Variants in TNIK observed in about 807,000 individuals in gnomAD.
TNIK encodes TRAF2 and NCK-interacting protein kinase.
Under a neutral mutation model 191.3 loss-of-function variants are expected in TNIK, and 49 were observed. The observed-to-expected ratio is 0.26, with a 90% confidence interval of 0.20 to 0.32. The LOEUF (loss-of-function observed/expected upper bound fraction) is 0.32, where lower values mean the gene tolerates loss of function less well. Among genes scored for constraint, TNIK ranks in the 10% least tolerant of loss-of-function variants. The probability of loss-of-function intolerance (pLI) is 1.00; values close to 1 mark genes in which losing one functional copy is unlikely to be tolerated. For synonymous variants in TNIK, 594 were observed against 600.9 expected (o/e 0.99, Z 0.17); for missense variants, 1,155 against 1,702.3 (o/e 0.68, Z 5.66).
chr3:171,346,316 G>A (rs1352435398), intron 2 of TNIK, among the ~76,000 whole-genome samples: 1 of 152,192 alleles, frequency 6.6e-6, no homozygotes, highest in East Asian at 1.9e-4. Context: ...CACTGAAGCT[G>A]TATTATGTAA....
chr3:171,096,559 C>T (rs150199728), intron 22 of TNIK, among the ~76,000 whole-genome samples: 248 of 152,254 alleles, frequency 1.6e-3, no homozygotes, highest in Admixed American at 5.2e-3. Context: ...GTACATTATG[C>T]TAGAAAATCC....
In TNIK at chr3:171,259,094, A is replaced by G. The variant is rs923544803; in HGVS notation, c.124-30873T>C. ...CACAAAGTCAAGGACAGTGTGTTTT[A>G]TATAAGAGAGAGAGAGAGCATGCAC... On this transcript the variant is annotated intron_variant, in intron 2 of 32. Transcript: ENST00000436636. 2.0e-5 allele frequency among the ~76,000 whole-genome samples: 3 copies of G among 152,086 alleles called. No individual in the cohort carries two copies. In the East Asian group the frequency reaches 5.8e-4, roughly 29 times the overall value.
intron 1 of TNIK, among the ~76,000 whole-genome samples, chr3:171,425,964 A>C (rs1302101057): frequency 1.3e-5 from 2 of 152,200 alleles, no homozygotes; most frequent in Admixed American, 6.5e-5. Flanking sequence ...GTGGGACTGT[A>C]AACTAGTTCA....
intron 21 of TNIK, 101 bp from the exon 22 acceptor site, chr3:171,101,734 A>G (rs1470934036): frequency 2.5e-6 from 3 of 1,179,372 alleles, no homozygotes; most frequent in Non-Finnish European, 3.5e-6. Flanking sequence ...GAAAAAAAAA[A>G]GCTCTATATA....
intron 18 of TNIK, among the ~76,000 whole-genome samples, chr3:171,118,627 T>C (rs1329500396): frequency 6.6e-6 from 1 of 152,118 alleles, no homozygotes; most frequent in Non-Finnish European, 1.5e-5. Flanking sequence ...CCCTCAGAAA[T>C]GATGCCACAT....
intron 3 of TNIK, among the ~76,000 whole-genome samples, chr3:171,213,443 G>A (rs1245510181): frequency 6.6e-6 from 1 of 152,046 alleles, no homozygotes; most frequent in Admixed American, 6.6e-5. Context: ...CATTCTTAGT[G>A]AGAAATCAGG....
chr3:171,358,095 G>A (rs1340500452), intron 2 of TNIK, among the ~76,000 whole-genome samples: 1 of 152,122 alleles, frequency 6.6e-6, no homozygotes, highest in Non-Finnish European at 1.5e-5. Flanking sequence ...GTCAAATACT[G>A]GAGTTTCCTG....
chr3:171,229,885 G>T (rs1012381487), intron 2 of TNIK, among the ~76,000 whole-genome samples: 8 of 152,104 alleles, frequency 5.3e-5, no homozygotes, highest in Non-Finnish European at 1.2e-4. Context: ...TCGAGGGAGA[G>T]GATGGCGTGT....
intron 2 of TNIK, among the ~76,000 whole-genome samples, chr3:171,307,944 T>C (rs184958042): frequency 6.6e-6 from 1 of 152,274 alleles, no homozygotes; most frequent in East Asian, 1.9e-4. Flanking sequence ...TATATATTCT[T>C]GTACTTGAAA....
rs184658955 is a variant in TNIK at position 171,181,402 on chromosome 3, G to T, written c.640-4022C>A. Among the ~76,000 whole-genome samples, 50 of 152,314 alleles carry T rather than the reference G, an allele frequency of 3.3e-4. No homozygotes were observed. In the East Asian group the frequency reaches 9.5e-3, roughly 29 times the overall value. On this transcript the variant is annotated intron_variant, in intron 7 of 32. Coordinates refer to ENST00000436636, the MANE Select transcript of TNIK (RefSeq NM_015028.4). ...GTCTTCTATGATTTCCCTTCATTTA[G>T]TTGTGGCAGAAATTGTTTATTGGCT...
At chr3:171,459,768 G>A (rs1176018493) in intron 1 of TNIK, among the ~76,000 whole-genome samples, 2 of 151,406 alleles carry the variant, frequency 1.3e-5, no homozygotes, top group African/African-American at 2.4e-5. Context: ...TAAGCTCTAC[G>A]AGCCCTCGGG....
At chr3:171,084,462 T>C in intron 25 of TNIK, 137 bp from the exon 26 acceptor site, 1 of 1,026,356 alleles carries the variant, frequency 9.7e-7, no homozygotes, top group Non-Finnish European at 1.4e-6. Context: ...CTCTCCTTAT[T>C]TTACACTTTT....
intron 2 of TNIK, among the ~76,000 whole-genome samples, chr3:171,315,892 A>C (rs55897160): frequency 0.048 from 7,310 of 152,152 alleles, 579 homozygotes; most frequent in African/African-American, 0.17. Flanking sequence ...CCTATTTCCA[A>C]ATAAAGTCAT....
chr3:171,212,573 T>C (rs903946858), intron 3 of TNIK, among the ~76,000 whole-genome samples: 3 of 152,168 alleles, frequency 2.0e-5, no homozygotes, highest in African/African-American at 7.2e-5. Context: ...CCGTGAATCA[T>C]CATGTATCTT....
At chr3:171,353,458 G>A (rs546370789) in intron 2 of TNIK, among the ~76,000 whole-genome samples, 1 of 152,218 alleles carries the variant, frequency 6.6e-6, no homozygotes, top group East Asian at 1.9e-4. Context: ...CCTATAATGG[G>A]CATAGTTACT....
At chr3:171,351,474 T>G (rs1257708939) in intron 2 of TNIK, among the ~76,000 whole-genome samples, 2 of 152,214 alleles carry the variant, frequency 1.3e-5, no homozygotes, top group Non-Finnish European at 1.5e-5. Context: ...TCATTTTTCA[T>G]TAGGTATTTT....
chr3:171,171,158 G>A (rs1461885552), intron 9 of TNIK, among the ~76,000 whole-genome samples: 1 of 152,144 alleles, frequency 6.6e-6, no homozygotes, highest in East Asian at 1.9e-4. Flanking sequence ...AGTCAACTGG[G>A]CTGTTATCTC....
chr3:171,121,350 T>C (rs1727717248), intron 18 of TNIK, among the ~76,000 whole-genome samples: 1 of 152,214 alleles, frequency 6.6e-6, no homozygotes, highest in East Asian at 1.9e-4. Context: ...TCTCCCAGTG[T>C]CCATGCCCCT....
At chr3:171,333,205 T>C (rs1041924089) in intron 2 of TNIK, among the ~76,000 whole-genome samples, 3 of 151,860 alleles carry the variant, frequency 2.0e-5, no homozygotes, top group Admixed American at 2.0e-4. Flanking sequence ...TAAATATGAA[T>C]ATTTTGGAAC....
Sources: allele counts gnomAD v4.1 joint callset (sites outside exome capture counted in the v4.1 genomes callset), GRCh38; gene constraint gnomAD v4.1.1; transcripts MANE v1.5; gene names NCBI Gene and HGNC (gene_info 2026-07-23, HGNC 2026-07-21).